Variants in TRPC1 observed in about 807,000 individuals in gnomAD.
TRPC1 encodes the protein short transient receptor potential channel 1.
A neutral mutation model predicts 88.2 loss-of-function variants in TRPC1; 42 were observed. The ratio of observed to expected loss-of-function variants is 0.48; its 90% CI spans 0.37 to 0.62. The LOEUF (loss-of-function observed/expected upper bound fraction) is 0.62, where lower values mean the gene tolerates loss of function less well. TRPC1 is among the 20% of genes least tolerant of loss of function. TRPC1 has a pLI of 0.00. For missense variants in TRPC1, 699 were observed against 957.3 expected (o/e 0.73, Z 3.56); for synonymous variants, 288 against 331.8 (o/e 0.87, Z 1.43).
chr3:142,737,334 A>ATATATGTATG (rs1553799430), intron 2 of TRPC1, among the ~76,000 whole-genome samples: 19 of 147,336 alleles, frequency 1.3e-4, no homozygotes, highest in East Asian at 4.0e-4. Context: ...TTATATATAT[A>ATATATGTATG]TATGTATGTA....
At chr3:142,742,960 A>C (rs72988608) in intron 2 of TRPC1, among the ~76,000 whole-genome samples, 10,203 of 152,140 alleles carry the variant, frequency 0.067, 1,102 homozygotes, top group African/African-American at 0.23. Flanking sequence ...TAAATGTCAA[A>C]TTTGTAGCAT....
rs1361611658 is a variant in TRPC1 at position 142,785,004 on chromosome 3, G to C, written c.1261G>C (p.Glu421Gln). 6.2e-7 allele frequency: 1 copy of C among 1,612,258 alleles called. No homozygotes were observed. Among genetic ancestry groups the C allele is most frequent in the East Asian group, 2.2e-5 (1 of 44,800 alleles). Residue 421 changes from glutamate to glutamine, a missense_variant, in exon 7 of 13, where the codon GAA (glutamate) becomes CAA (glutamine). Physicochemically the swap from Glu to Gln is conservative, Grantham distance 29. This residue lies in a region of TRPC1 where 426 missense variants were observed against 641.3 expected (regional missense o/e 0.66). Coordinates refer to ENST00000476941, the MANE Select transcript of TRPC1 (RefSeq NM_001251845.2). ...DKKNTMGPAL[E>Q]RIDYLLILWI... is the part of the protein sequence containing the mutation. ...GAAAAACACAATGGGGCCAGCCCTT[G>C]AAAGAATAGACTATCTTCTTATTCT...
At chr3:142,754,746 G>T (rs892225738) in intron 4 of TRPC1, among the ~76,000 whole-genome samples, 17 of 152,142 alleles carry the variant, frequency 1.1e-4, no homozygotes, top group Non-Finnish European at 7.3e-5. Context: ...CTGGGGTCAT[G>T]TTAGGAATAT....
At chr3:142,763,699 T>C (rs1474503188) in intron 4 of TRPC1, among the ~76,000 whole-genome samples, 1 of 151,972 alleles carries the variant, frequency 6.6e-6, no homozygotes, top group Admixed American at 6.6e-5. Context: ...AAGTATGGAC[T>C]TACTGCAACC....
At chr3:142,779,119 T>G (rs1488084981) in intron 5 of TRPC1, among the ~76,000 whole-genome samples, 4 of 152,170 alleles carry the variant, frequency 2.6e-5, no homozygotes, top group African/African-American at 7.2e-5. Flanking sequence ...TTGAAGAAAC[T>G]GCTATGATTA....
intron 9 of TRPC1, chr3:142,794,044 T>A (rs931160581): frequency 2.6e-5 from 9 of 342,868 alleles, no homozygotes; most frequent in African/African-American, 2.0e-4. Context: ...GAGAAAAAAA[T>A]TTGTTTAACC....
intron 2 of TRPC1, among the ~76,000 whole-genome samples, chr3:142,740,817 A>T (rs996010718): frequency 6.6e-6 from 1 of 152,342 alleles, no homozygotes; most frequent in East Asian, 1.9e-4. Flanking sequence ...TAAGAGAAAG[A>T]TGGAATTAAG....
intron 4 of TRPC1, among the ~76,000 whole-genome samples, chr3:142,749,167 G>A (rs74347769): frequency 0.028 from 4,225 of 152,042 alleles, 208 homozygotes; most frequent in African/African-American, 0.097. Context: ...AATTCTTATC[G>A]CCTACTGATG....
chr3:142,729,634 G>T (rs920496680), intron 1 of TRPC1, among the ~76,000 whole-genome samples: 2 of 152,092 alleles, frequency 1.3e-5, no homozygotes, highest in African/African-American at 4.8e-5. Flanking sequence ...AGTGTGAAAA[G>T]ATTAAATTTT....
intron 2 of TRPC1, among the ~76,000 whole-genome samples, chr3:142,741,062 AAGGT>A (rs1201268124): frequency 6.6e-6 from 1 of 152,034 alleles, no homozygotes; most frequent in African/African-American, 2.4e-5. Flanking sequence ...GATAAATTCT[AAGGT>A]AGGAAGGAAG....
At chr3:142,748,494 T>G (rs1167764286) in intron 4 of TRPC1, 34 bp downstream of exon 4, 4 of 1,585,266 alleles carry the variant, frequency 2.5e-6, no homozygotes, top group Non-Finnish European at 3.5e-6. Context: ...AATAGATGTG[T>G]GATATATATC....
chr3:142,750,201 A>G (rs1268901767), intron 4 of TRPC1, among the ~76,000 whole-genome samples: 1 of 152,200 alleles, frequency 6.6e-6, no homozygotes, highest in Non-Finnish European at 1.5e-5. Context: ...TCCAGAATCT[A>G]CAAGGAACTT....
chr3:142,736,628 C>T (rs183253463), intron 2 of TRPC1, 95 bp downstream of exon 2: 4 of 1,110,782 alleles, frequency 3.6e-6, no homozygotes, highest in East Asian at 2.7e-5. Context: ...CTTTTTCCTC[C>T]TCTTCTTCCT....
chr3:142,758,775 C>T (rs1030497020), intron 4 of TRPC1, among the ~76,000 whole-genome samples: 2 of 151,806 alleles, frequency 1.3e-5, no homozygotes, highest in African/African-American at 2.4e-5. Flanking sequence ...TGTGCTGCAC[C>T]GGTTAACTTG....
chr3:142,724,891 G>T lies in TRPC1; in HGVS notation c.172+160G>T, dbSNP rs1933608813. Among the ~76,000 whole-genome samples, 2 of 152,310 alleles carry T rather than the reference G, an allele frequency of 1.3e-5. No homozygotes were observed. The highest frequency in any genetic ancestry group is 4.1e-4 in the South Asian group (2 of 4,826). Reference sequence around the variant, plus strand: ...AGGCGGTCTTCTCCTCACCGCCTCTGCCCTGTGAGTGTGGAGCTGGCGGGA... The same window carrying T: ...AGGCGGTCTTCTCCTCACCGCCTCTTCCCTGTGAGTGTGGAGCTGGCGGGA... On this transcript the variant is annotated intron_variant, in intron 1 of 12. Coordinates refer to ENST00000476941, the MANE Select transcript of TRPC1 (RefSeq NM_001251845.2). The surrounding 1 kb of genome is among the most constrained non-coding windows in gnomAD (Gnocchi z 5.6).
chr3:142,796,612 G>A (rs1224420332), intron 9 of TRPC1, among the ~76,000 whole-genome samples: 1 of 149,980 alleles, frequency 6.7e-6, no homozygotes, highest in Non-Finnish European at 1.5e-5. Flanking sequence ...CTGCTGCGTG[G>A]GTCCCTGATT....
intron 6 of TRPC1, 42 bp downstream of exon 6, chr3:142,781,071 A>C (rs113729812): frequency 2.6e-6 from 4 of 1,512,374 alleles, no homozygotes; most frequent in African/African-American, 1.4e-5. Context: ...TTTTCTCTAC[A>C]GTAGTCTAGT....
intron 4 of TRPC1, among the ~76,000 whole-genome samples, chr3:142,769,011 AT>A (rs1437701804): frequency 6.6e-6 from 1 of 151,920 alleles, no homozygotes; most frequent in Non-Finnish European, 1.5e-5. Flanking sequence ...GTGCCTCTTC[AT>A]TTTTTCTTGT....
At position 142,724,803 on chromosome 3, in the gene TRPC1, C is replaced by G; in HGVS notation, c.172+72C>G. 1.4e-6 allele frequency: 2 copies of G among 1,430,956 alleles called. No homozygotes were observed. Among genetic ancestry groups the G allele is most frequent in the South Asian group, 3.0e-5 (2 of 66,828 alleles). The allele number at this position is 1,430,956 out of a possible 1,614,324, so 88.6% of individuals were successfully genotyped here. ...CCTTTAGTCCTCTCCCCCGCCTCAACTTATATCGGGGCATTCCCTCTGTCT... is the reference window on the plus strand; with the variant it reads ...CCTTTAGTCCTCTCCCCCGCCTCAAGTTATATCGGGGCATTCCCTCTGTCT... On this transcript the variant is annotated intron_variant, in intron 1 of 12. Transcript: ENST00000476941. The surrounding 1 kb of genome is among the most constrained non-coding windows in gnomAD (Gnocchi z 5.6).
Sources: gnomAD v4.1 joint callset for allele counts (sites outside exome capture counted in the v4.1 genomes callset) on GRCh38, gnomAD v4.1.1 for gene constraint, gnomAD v4.1.1 regional missense constraint, Gnocchi (gnomAD v3.1) non-coding constraint, MANE v1.5 for transcripts, NCBI Gene and HGNC (gene_info 2026-07-23, HGNC 2026-07-21) for gene names.